ATP13A4: variants seen among roughly 807,000 people sequenced by gnomAD.
ATP13A4 encodes ATPase 13A4.
A neutral mutation model predicts 142.5 loss-of-function variants in ATP13A4; 114 were observed. That is an observed-to-expected ratio of 0.80 (90% CI 0.69 to 0.93). The LOEUF (loss-of-function observed/expected upper bound fraction) is 0.93. Among genes scored for constraint, ATP13A4 ranks in the 40% least tolerant of loss-of-function variants. The pLI is 0.00. For missense variants in ATP13A4, 1,392 were observed against 1,454.0 expected (o/e 0.96, Z 0.69); for synonymous variants, 488 against 514.8 (o/e 0.95, Z 0.70).
At chr3:193,526,832 A>C (rs144720983) in intron 1 of ATP13A4, among the ~76,000 whole-genome samples, 3 of 152,136 alleles carry the variant, frequency 2.0e-5, no homozygotes, top group Non-Finnish European at 4.4e-5. Flanking sequence ...CTCCAGGGGA[A>C]CCTCTGGAAT....
chr3:193,473,995 T>C (rs1021269861), intron 8 of ATP13A4, among the ~76,000 whole-genome samples: 1 of 152,084 alleles, frequency 6.6e-6, no homozygotes, highest in Non-Finnish European at 1.5e-5. Flanking sequence ...GCACAGTCCT[T>C]CATGTAGGAA....
chr3:193,461,189 G>A (rs558645785), intron 13 of ATP13A4, among the ~76,000 whole-genome samples: 46 of 152,258 alleles, frequency 3.0e-4, no homozygotes, highest in African/African-American at 1.1e-3. Flanking sequence ...GTCACTTTTA[G>A]AAACAAAGTT....
At chr3:193,454,000 C>A in intron 17 of ATP13A4, 101 bp downstream of exon 17, 1 of 991,312 alleles carries the variant, frequency 1.0e-6, no homozygotes, top group East Asian at 2.5e-5. Context: ...TGTCCACCAC[C>A]CAGAACCCCT....
intron 3 of ATP13A4, among the ~76,000 whole-genome samples, chr3:193,501,811 A>G (rs1479865580): frequency 6.6e-6 from 1 of 152,202 alleles, no homozygotes; most frequent in Non-Finnish European, 1.5e-5. Context: ...AATAGGGTGA[A>G]GAGGGAGCAA....
At chr3:193,530,075 C>T (rs1722231217) in intron 1 of ATP13A4, among the ~76,000 whole-genome samples, 1 of 152,104 alleles carries the variant, frequency 6.6e-6, no homozygotes, top group African/African-American at 2.4e-5. Context: ...CTCTCATTTT[C>T]CTCAGTTTAA....
rs1322599372 is a variant in ATP13A4, at chr3:193,418,286, T to G, written c.2843-3536A>C. 2.2e-5 allele frequency among the ~76,000 whole-genome samples: 3 copies of G among 138,602 alleles called. 1 individual carries two copies. In the South Asian group the frequency reaches 6.9e-4, roughly 32 times the overall value. 90.9% of individuals were successfully genotyped at this position (138,602 alleles called of 152,430 possible). A position where few individuals can be genotyped will look rare whatever the true frequency, so the allele number is the denominator to read the frequency against. ...GTGAGCCGAGATTGCGCCACTGCAC[T>G]CCAGCCTGGGCAACAGCGAGACTCC... On this transcript the variant is annotated intron_variant, in intron 25 of 29. Transcript: ENST00000342695.
intron 25 of ATP13A4, among the ~76,000 whole-genome samples, chr3:193,430,020 G>GAA (rs1238026726): frequency 6.6e-6 from 1 of 152,022 alleles, no homozygotes; most frequent in African/African-American, 2.4e-5. Context: ...ATGTTAAACA[G>GAA]AAAAGAATCA....
At position 193,441,602 on chromosome 3, in the gene ATP13A4, C is replaced by A. The variant is rs138839309; in HGVS notation, c.2317-14G>T. On this transcript the variant is annotated splice_polypyrimidine_tract_variant and intron_variant, in intron 19 of 29. Transcript: ENST00000342695. ...AATGTAATTGTCCTACAAAGCAAGACACAGTTATTTTAGACTCTTTCATTT... is the reference window on the plus strand; with the variant it reads ...AATGTAATTGTCCTACAAAGCAAGAAACAGTTATTTTAGACTCTTTCATTT... 6.2e-7 allele frequency: 1 copy of A among 1,612,476 alleles called. No individual in the cohort carries two copies. The highest frequency in any genetic ancestry group is 8.5e-7 in the Non-Finnish European group (1 of 1,178,896).
At chr3:193,503,453 A>G (rs1279919707) in intron 2 of ATP13A4, among the ~76,000 whole-genome samples, 1 of 152,232 alleles carries the variant, frequency 6.6e-6, no homozygotes, top group Non-Finnish European at 1.5e-5. Context: ...CTGAATAGGG[A>G]AATACTAAAC....
upstream of ATP13A4, among the ~76,000 whole-genome samples, chr3:193,559,291 T>G (rs1255236455): frequency 6.6e-6 from 1 of 152,192 alleles, no homozygotes; most frequent in Non-Finnish European, 1.5e-5. Flanking sequence ...AGGTCATGTG[T>G]CTTTACCATG....
chr3:193,461,096 C>CAGGA (rs747088095), intron 13 of ATP13A4, among the ~76,000 whole-genome samples: 37 of 151,634 alleles, frequency 2.4e-4, no homozygotes, highest in East Asian at 1.9e-4. Flanking sequence ...GGCAGCAAGG[C>CAGGA]AGGAAGGAAG....
intron 1 of ATP13A4, among the ~76,000 whole-genome samples, chr3:193,586,527 A>T (rs1473237333): frequency 1.3e-5 from 2 of 152,246 alleles, no homozygotes; most frequent in Non-Finnish European, 2.9e-5. Context: ...AGTGTATGGT[A>T]TAAATTTATA....
At chr3:193,519,173 T>C (rs1258362162) in intron 1 of ATP13A4, among the ~76,000 whole-genome samples, 5 of 152,192 alleles carry the variant, frequency 3.3e-5, no homozygotes, top group African/African-American at 1.2e-4. Context: ...GTGCCTAGGA[T>C]GACATCTTCA....
Position 193,402,854 on chromosome 3 carries a change from A to G in ATP13A4, c.3389T>C (p.Ile1130Thr). 6.2e-7 allele frequency: 1 copy of G among 1,614,046 alleles called. No homozygotes were observed. Among genetic ancestry groups the G allele is most frequent in the Non-Finnish European group, 8.5e-7 (1 of 1,179,960 alleles). ...IVSLVAEEAV[I>T]ENRALWMMIK... ...CATCATCCACAGGGCTCGATTTTCAATAACAGCCTCCTGCAAAATAAAATA... is the reference window on the plus strand; with the variant it reads ...CATCATCCACAGGGCTCGATTTTCAGTAACAGCCTCCTGCAAAATAAAATA... Residue 1130 changes from isoleucine to threonine, a missense_variant, in exon 30 of 30, where the codon ATT (isoleucine) becomes ACT (threonine). Transcript: ENST00000342695.
Position 193,467,398 on chromosome 3 carries a change from C to A in ATP13A4, c.1032G>T (p.Arg344=). 6.2e-7 allele frequency: 1 copy of A among 1,614,084 alleles called. No homozygotes were observed. The highest frequency in any genetic ancestry group is 1.1e-5 in the South Asian group (1 of 91,078). ...WKTQSEADYK[R]HVLFCGTEVI... is the part of the protein sequence containing the mutation. The stretch of plus-strand genomic sequence containing the variant: ...CCTCTGTTCCACAGAAGAGGACATG[C>A]CGCTTGTAATCCGCTTCACTCTGTG... The change falls in exon 10 of 30, where the codon CGG becomes CGT. Residue 344 remains arginine, a synonymous_variant. Coordinates refer to ENST00000342695, the MANE Select transcript of ATP13A4 (RefSeq NM_032279.4).
chr3:193,435,555 TTG>T, intron 24 of ATP13A4, 91 bp downstream of exon 24: 1 of 999,294 alleles, frequency 1.0e-6, no homozygotes, highest in Non-Finnish European at 1.6e-6. Flanking sequence ...GATATCCTAT[TTG>T]TACTCTTTCT....
At chr3:193,485,450 T>A (rs1719552799) in intron 7 of ATP13A4, among the ~76,000 whole-genome samples, 1 of 152,192 alleles carries the variant, frequency 6.6e-6, no homozygotes, top group Non-Finnish European at 1.5e-5. Flanking sequence ...AGGTGTTAAT[T>A]GCCTTTTAGC....
At position 193,457,394 on chromosome 3, in the gene ATP13A4, G is replaced by T. The variant is rs1299188360; in HGVS notation, c.1746C>A (p.Cys582Ter). The stretch of plus-strand genomic sequence containing the variant: ...CAGGGCTTACCTGGCTGGCTGTTCT[G>T]CAGGGCTTAACTACCATGGCATGTG... ...VPAHAMVVKPCRTASQVPVEG... is the reference protein window; with the variant it reads ...VPAHAMVVKP The change falls in exon 15 of 30, where the codon TGC becomes TGA. Residue 582 changes from cysteine (C) to a stop codon, truncating the protein, a stop_gained. Transcript: ENST00000342695. LOFTEE classifies it high-confidence loss of function. The T allele has an allele frequency of 5.0e-6, 8 of 1,614,114 alleles. No homozygotes were observed. The African/African-American group carries it at 6.7e-5, about 13-fold the overall frequency.
intron 18 of ATP13A4, 89 bp from the exon 19 acceptor site, chr3:193,442,645 T>C: frequency 7.6e-7 from 1 of 1,315,794 alleles, no homozygotes; most frequent in Non-Finnish European, 1.1e-6. Flanking sequence ...GGGAGTTCAG[T>C]CCTTATTTCA....
Sources: gnomAD v4.1 joint callset for allele counts (sites outside exome capture counted in the v4.1 genomes callset) on GRCh38, gnomAD v4.1.1 for gene constraint, MANE v1.5 for transcripts, NCBI Gene and HGNC (gene_info 2026-07-23, HGNC 2026-07-21) for gene names.